LRRN2: variants seen among roughly 807,000 people sequenced by gnomAD.
The protein encoded by LRRN2 is leucine rich repeat neuronal 2.
Under a neutral mutation model 35.7 loss-of-function variants are expected in LRRN2, and 10 were observed. The observed-to-expected ratio is 0.28, with a 90% CI of 0.17 to 0.47. The LOEUF is 0.47. Among genes scored for constraint, LRRN2 ranks in the 20% least tolerant of loss-of-function variants. The probability of loss-of-function intolerance (pLI) is 0.99; values close to 1 mark genes in which losing one functional copy is unlikely to be tolerated. For missense variants in LRRN2, 731 were observed against 940.3 expected (o/e 0.78, Z 2.91); for synonymous variants, 391 against 409.6 (o/e 0.95, Z 0.55).
chr1:204,619,770 G>A lies in LRRN2; in HGVS notation c.223C>T (p.Leu75Phe). 6.2e-7 allele frequency: 1 copy of A among 1,614,250 alleles called. No individual in the cohort carries two copies. Among genetic ancestry groups the A allele is most frequent in the Non-Finnish European group, 8.5e-7 (1 of 1,180,036 alleles). ...CGGACAATGCTGTTGCTCTGCAGGA[G>A]CAGGGTCTGTGTGCCTGCGGGGAGT... ...PALPAGTQTL[L>F]LQSNSIVRVD... Residue 75 changes from leucine (L) to phenylalanine (F), a missense_variant, in exon 2 of 2, where the codon CTC becomes TTC. Around this residue, in one of 3 missense-constraint regions of LRRN2, gnomAD observed 246 missense variants for 289.5 expected, o/e 0.85. Coordinates refer to ENST00000367177, the MANE Select transcript of LRRN2 (RefSeq NM_201630.2).
In LRRN2 at chr1:204,619,356, C is replaced by G; in HGVS notation, c.637G>C (p.Ala213Pro). Residue 213 changes from alanine to proline, a missense_variant, in exon 2 of 2, where the codon GCC (alanine) becomes CCC (proline). Around this residue, in one of 3 missense-constraint regions of LRRN2, gnomAD observed 246 missense variants for 289.5 expected, o/e 0.85. Transcript: ENST00000367177. ...AILDMNFRPL[A>P]NLRSLVLAGM... ...GCTAGCACCAGGCTACGCAGGTTGGCCAGGGGCCGGAAGTTCATGTCCAGG... is the reference window on the plus strand; with the variant it reads ...GCTAGCACCAGGCTACGCAGGTTGGGCAGGGGCCGGAAGTTCATGTCCAGG... 6.2e-7 allele frequency: 1 copy of G among 1,614,240 alleles called. No individual in the cohort carries two copies. Among genetic ancestry groups the G allele is most frequent in the Non-Finnish European group, 8.5e-7 (1 of 1,180,052 alleles).
chr1:204,647,406 G>A lies in LRRN2; in HGVS notation c.-226-27188C>T, dbSNP rs140097037. 3.2e-3 allele frequency among the ~76,000 whole-genome samples: 480 copies of A among 152,300 alleles called. 1 individual carries two copies. Among genetic ancestry groups the A allele is most frequent in the Middle Eastern group, 0.017 (5 of 294 alleles). On this transcript the variant is annotated intron_variant, in intron 1 of 1. Coordinates refer to ENST00000367177, the MANE Select transcript of LRRN2 (RefSeq NM_201630.2). ...AAGCCACTCTGACATTTCCAAATGA[G>A]ATATTTTGATAGAGGTGCCATTCAA...
At chr1:204,679,044 G>C (rs1423549517) in intron 1 of LRRN2, among the ~76,000 whole-genome samples, 2 of 152,170 alleles carry the variant, frequency 1.3e-5, no homozygotes, top group Admixed American at 6.5e-5. Flanking sequence ...AGATGGCTGA[G>C]GCCTGGTGGC....
chr1:204,624,040 C>T (rs1017390166), intron 1 of LRRN2, among the ~76,000 whole-genome samples: 1 of 152,182 alleles, frequency 6.6e-6, no homozygotes, highest in African/African-American at 2.4e-5. Flanking sequence ...GTCTTTGACT[C>T]TACATCCTGC....
At chr1:204,627,213 G>A (rs1374788062) in intron 1 of LRRN2, 1 of 152,268 alleles carries the variant, frequency 6.6e-6, no homozygotes, top group South Asian at 2.1e-4. Flanking sequence ...TAAGCTCCGC[G>A]AAGCTAAGGG....
At chr1:204,668,091 T>A (rs1668610165) in intron 1 of LRRN2, among the ~76,000 whole-genome samples, 1 of 152,134 alleles carries the variant, frequency 6.6e-6, no homozygotes, top group African/African-American at 2.4e-5. Flanking sequence ...CCTATGAAGA[T>A]CTGAGAAAAG....
At chr1:204,650,334 G>T (rs1160251428) in intron 1 of LRRN2, among the ~76,000 whole-genome samples, 4 of 152,236 alleles carry the variant, frequency 2.6e-5, no homozygotes, top group African/African-American at 9.6e-5. Context: ...TTAATTGTTT[G>T]AAGTCCCAGG....
intron 1 of LRRN2, among the ~76,000 whole-genome samples, chr1:204,635,796 T>G (rs1040616397): frequency 9.8e-5 from 15 of 152,334 alleles, no homozygotes; most frequent in Middle Eastern, 6.8e-3. Context: ...CTCAGAATTT[T>G]GGAAGGAGCT....
intron 1 of LRRN2, among the ~76,000 whole-genome samples, chr1:204,680,934 C>A (rs1421485454): frequency 6.6e-6 from 1 of 152,122 alleles, no homozygotes; most frequent in African/African-American, 2.4e-5. Flanking sequence ...CTTTCCTAAT[C>A]CGCAAACAGC....
In LRRN2 at chr1:204,657,229, C is replaced by T. The variant is rs561181331; in HGVS notation, c.-227+28091G>A. 7.9e-5 allele frequency among the ~76,000 whole-genome samples: 12 copies of T among 152,002 alleles called. No homozygotes were observed. The South Asian group carries it at 8.3e-4, about 11-fold the overall frequency. On this transcript the variant is annotated intron_variant, in intron 1 of 1. Coordinates refer to ENST00000367177, the MANE Select transcript of LRRN2 (RefSeq NM_201630.2). ...CTGAGGCAGGAGAATCACTTGAACC[C>T]GGGAGGCGGAGGTTGCAGTGAGCCA...
intron 1 of LRRN2, among the ~76,000 whole-genome samples, chr1:204,658,231 G>A (rs1668401441): frequency 6.6e-6 from 1 of 151,960 alleles, no homozygotes; most frequent in Non-Finnish European, 1.5e-5. Context: ...GCCCACCTTG[G>A]CCTCCCAAAG....
intron 1 of LRRN2, among the ~76,000 whole-genome samples, chr1:204,643,757 A>C (rs557173145): frequency 7.9e-5 from 12 of 152,022 alleles, no homozygotes; most frequent in Non-Finnish European, 1.6e-4. Flanking sequence ...ATGTCATATA[A>C]ATTCCTCCAG....
chr1:204,630,554 C>T (rs556102834), intron 1 of LRRN2, among the ~76,000 whole-genome samples: 3 of 151,428 alleles, frequency 2.0e-5, no homozygotes, highest in South Asian at 2.1e-4. Flanking sequence ...GTCTCGGGGG[C>T]GCTGCCTGCT....
intron 1 of LRRN2, among the ~76,000 whole-genome samples, chr1:204,650,581 G>T (rs1478174166): frequency 1.3e-5 from 2 of 152,114 alleles, no homozygotes; most frequent in African/African-American, 2.4e-5. Flanking sequence ...GCATCCAGGA[G>T]GGGTTGCTTT....
intron 1 of LRRN2, among the ~76,000 whole-genome samples, chr1:204,684,809 C>T (rs1247975020): frequency 6.6e-6 from 1 of 152,160 alleles, no homozygotes; most frequent in African/African-American, 2.4e-5. Context: ...CAGACAGACC[C>T]AAGGCCACCT....
intron 1 of LRRN2, among the ~76,000 whole-genome samples, chr1:204,641,321 C>T (rs1364391658): frequency 1.3e-5 from 2 of 152,150 alleles, no homozygotes; most frequent in Non-Finnish European, 2.9e-5. Flanking sequence ...TTCCTGAATA[C>T]ACACATGTAG....
chr1:204,675,812 C>T (rs1012649336), intron 1 of LRRN2, among the ~76,000 whole-genome samples: 5 of 152,226 alleles, frequency 3.3e-5, no homozygotes, highest in African/African-American at 1.2e-4. Flanking sequence ...TTGAAAGCCA[C>T]AGAACCAGAG....
Position 204,675,154 on chromosome 1 carries a change from T to C in LRRN2, c.-227+10166A>G, listed in dbSNP as rs187925070. Reference sequence around the variant, plus strand: ...TTAGCAGGTTGCATTTCAGACACGCTGTATTTCAAACCAGGCTTCTCGGAG... The same window carrying C: ...TTAGCAGGTTGCATTTCAGACACGCCGTATTTCAAACCAGGCTTCTCGGAG... On this transcript the variant is annotated intron_variant, in intron 1 of 1. Transcript: ENST00000367177. 7.9e-5 allele frequency among the ~76,000 whole-genome samples: 12 copies of C among 152,274 alleles called. No homozygotes were observed. In the East Asian group the frequency reaches 2.3e-3, roughly 29 times the overall value.
At chr1:204,680,091 T>C (rs1668915130) in intron 1 of LRRN2, among the ~76,000 whole-genome samples, 1 of 152,222 alleles carries the variant, frequency 6.6e-6, no homozygotes, top group Non-Finnish European at 1.5e-5. Context: ...AGAGAAGGGC[T>C]AACTCCCTCC....
Sources: allele counts gnomAD v4.1 joint callset (sites outside exome capture counted in the v4.1 genomes callset), GRCh38; gene constraint gnomAD v4.1.1; regional missense constraint gnomAD v4.1.1; transcripts MANE v1.5; gene names NCBI Gene and HGNC (gene_info 2026-07-23, HGNC 2026-07-21).